The following TRPC7 variants were observed in gnomAD, a reference collection of about 807,000 sequenced individuals.
TRPC7 encodes transient receptor potential cation channel subfamily C member 7.
In TRPC7, 42 loss-of-function variants were observed where a neutral mutation model predicts 90.1. That is an observed-to-expected ratio of 0.47 (90% confidence interval 0.36 to 0.60). The LOEUF (loss-of-function observed/expected upper bound fraction) is 0.60. Among genes scored for constraint, TRPC7 ranks in the 20% least tolerant of loss-of-function variants. The probability of loss-of-function intolerance (pLI) is 0.00; values close to 1 mark genes in which losing one functional copy is unlikely to be tolerated. For missense variants in TRPC7, 955 were observed against 1,112.3 expected (o/e 0.86, Z 2.01); for synonymous variants, 451 against 436.3 (o/e 1.03, Z -0.42).
intron 7 of TRPC7, among the ~76,000 whole-genome samples, chr5:136,233,390 A>C (rs1755878054): frequency 6.6e-6 from 1 of 152,202 alleles, no homozygotes; most frequent in African/African-American, 2.4e-5. Flanking sequence ...TTTTGTGTGA[A>C]AAAGATGTCA....
intron 1 of TRPC7, among the ~76,000 whole-genome samples, chr5:136,363,075 G>T (rs1760617626): frequency 6.6e-6 from 1 of 152,074 alleles, no homozygotes; most frequent in Non-Finnish European, 1.5e-5. Flanking sequence ...TTAAAATAAG[G>T]TATGAATTCC....
chr5:136,354,059 T>C (rs1404432307), intron 2 of TRPC7, among the ~76,000 whole-genome samples: 2 of 152,240 alleles, frequency 1.3e-5, no homozygotes, highest in African/African-American at 4.8e-5. Flanking sequence ...ATTTTCCAGA[T>C]AATCTGATCC....
intron 3 of TRPC7, among the ~76,000 whole-genome samples, chr5:136,310,084 A>G (rs1262167757): frequency 6.6e-6 from 1 of 152,138 alleles, no homozygotes; most frequent in South Asian, 2.1e-4. Context: ...TTACAGACTC[A>G]GTCACACCCA....
At chr5:136,324,860 A>G (rs1338739100) in intron 2 of TRPC7, among the ~76,000 whole-genome samples, 1 of 152,250 alleles carries the variant, frequency 6.6e-6, no homozygotes, top group Non-Finnish European at 1.5e-5. Context: ...AGGATAATTA[A>G]CACTCATTCC....
chr5:136,265,466 AT>A (rs561132618), intron 5 of TRPC7, among the ~76,000 whole-genome samples: 1 of 151,446 alleles, frequency 6.6e-6, no homozygotes, highest in Non-Finnish European at 1.5e-5. Flanking sequence ...ACTAAGACTG[AT>A]TTTTTTTTAA....
At chr5:136,221,107 A>C (rs569345701) in intron 10 of TRPC7, among the ~76,000 whole-genome samples, 42 of 123,572 alleles carry the variant, frequency 3.4e-4, no homozygotes, top group Admixed American at 8.7e-4. Flanking sequence ...GTGTGTGTGT[A>C]TGTGTCTGTG....
intron 7 of TRPC7, among the ~76,000 whole-genome samples, chr5:136,246,913 A>C (rs1318997633): frequency 6.6e-6 from 1 of 152,224 alleles, no homozygotes; most frequent in African/African-American, 2.4e-5. Flanking sequence ...GAAGTATCAG[A>C]GATGTTAACC....
chr5:136,311,896 T>C (rs1758845043), intron 3 of TRPC7, among the ~76,000 whole-genome samples: 1 of 152,202 alleles, frequency 6.6e-6, no homozygotes. Context: ...GCAATGTGTG[T>C]GTTAATACTG....
intron 2 of TRPC7, among the ~76,000 whole-genome samples, chr5:136,347,265 C>A (rs1760038625): frequency 6.6e-6 from 1 of 152,148 alleles, no homozygotes; most frequent in Non-Finnish European, 1.5e-5. Flanking sequence ...CTCAAACAAC[C>A]ACCCATACTC....
At chr5:136,244,431 G>A (rs1410004727) in intron 7 of TRPC7, among the ~76,000 whole-genome samples, 1 of 152,216 alleles carries the variant, frequency 6.6e-6, no homozygotes, top group Admixed American at 6.5e-5. Context: ...GAGAGGGATT[G>A]CAGAGAATAC....
chr5:136,292,437 C>T (rs888692919), intron 3 of TRPC7, among the ~76,000 whole-genome samples: 22 of 151,620 alleles, frequency 1.5e-4, no homozygotes, highest in East Asian at 5.8e-4. Flanking sequence ...ATTAAATAGA[C>T]GCAATAAAAA....
At chr5:136,363,598 A>G (rs1360728498) in intron 1 of TRPC7, among the ~76,000 whole-genome samples, 1 of 152,192 alleles carries the variant, frequency 6.6e-6, no homozygotes, top group Admixed American at 6.5e-5. Context: ...AATGTTTTAT[A>G]TTAAGATATA....
At chr5:136,267,701 G>A (rs527556810) in intron 4 of TRPC7, among the ~76,000 whole-genome samples, 2 of 152,284 alleles carry the variant, frequency 1.3e-5, no homozygotes, top group African/African-American at 4.8e-5. Flanking sequence ...ACATTATTAT[G>A]ATTCTGATGC....
chr5:136,300,473 G>C (rs1014269792), intron 3 of TRPC7, among the ~76,000 whole-genome samples: 4 of 152,192 alleles, frequency 2.6e-5, no homozygotes, highest in African/African-American at 9.7e-5. Context: ...TCGCCTCTCT[G>C]CTTCATCTCT....
chr5:136,262,427 A>C (rs1490149907), intron 5 of TRPC7, among the ~76,000 whole-genome samples: 1 of 152,158 alleles, frequency 6.6e-6, no homozygotes, highest in Non-Finnish European at 1.5e-5. Flanking sequence ...ATCAGAGTAG[A>C]GGGATGAGAG....
At chr5:136,332,769 G>C (rs1358185290) in intron 2 of TRPC7, among the ~76,000 whole-genome samples, 1 of 152,202 alleles carries the variant, frequency 6.6e-6, no homozygotes, top group Non-Finnish European at 1.5e-5. Context: ...TTTCACAATT[G>C]CTTAGCAAAT....
At chr5:136,219,648 C>G (rs1755387421) in intron 10 of TRPC7, among the ~76,000 whole-genome samples, 1 of 152,172 alleles carries the variant, frequency 6.6e-6, no homozygotes, top group African/African-American at 2.4e-5. Context: ...CACCTGTAGT[C>G]CCAGCTACCT....
At chr5:136,333,717 A>C (rs1339579091) in intron 2 of TRPC7, among the ~76,000 whole-genome samples, 1 of 152,248 alleles carries the variant, frequency 6.6e-6, no homozygotes, top group Non-Finnish European at 1.5e-5. Context: ...TAATACCAGC[A>C]GGATTTAAAG....
intron 7 of TRPC7, among the ~76,000 whole-genome samples, chr5:136,245,397 A>G (rs1561685305): frequency 6.6e-6 from 1 of 152,232 alleles, no homozygotes; most frequent in East Asian, 1.9e-4. Context: ...AGCGCAGTCC[A>G]TAATTCTGAG....
Sources: gnomAD v4.1 joint callset for allele counts (sites outside exome capture counted in the v4.1 genomes callset) on GRCh38, gnomAD v4.1.1 for gene constraint, MANE v1.5 for transcripts, NCBI Gene and HGNC (gene_info 2026-07-23, HGNC 2026-07-21) for gene names.